ANGPTL2: variants seen among roughly 807,000 people sequenced by gnomAD.
ANGPTL2 encodes angiopoietin like 2.
ANGPTL2 carries 25 observed loss-of-function variants against 52.8 expected under a neutral mutation model. The observed-to-expected ratio is 0.47, with a 90% CI of 0.35 to 0.66. ANGPTL2 has a LOEUF of 0.66. Ranked by LOEUF, ANGPTL2 falls within the 30% of genes least tolerant of loss-of-function variation. ANGPTL2 has a pLI of 0.01. For missense variants in ANGPTL2, 546 were observed against 656.9 expected (o/e 0.83, Z 1.84); for synonymous variants, 276 against 277.4 (o/e 1.00, Z 0.05).
At chr9:127,107,704 T>C (rs1285789578) in intron 2 of ANGPTL2, among the ~76,000 whole-genome samples, 3 of 152,084 alleles carry the variant, frequency 2.0e-5, no homozygotes, top group African/African-American at 4.8e-5. Flanking sequence ...TTTGGTAATA[T>C]CTTTGAGGAT....
rs1334784149 is a variant in ANGPTL2 at position 127,108,072 on chromosome 9, G to C, written c.660C>G (p.Ala220=). 1 of 1,611,518 alleles carries C rather than the reference G, an allele frequency of 6.2e-7. No individual in the cohort carries two copies. The highest frequency in any genetic ancestry group is 1.3e-5 in the African/African-American group (1 of 74,862). Residue 220 remains alanine (A), a synonymous_variant, in exon 2 of 5, where the codon GCC becomes GCG. Coordinates refer to ENST00000373425, the MANE Select transcript of ANGPTL2 (RefSeq NM_012098.3). The part of the protein sequence containing the change: ...ARPVPQPPPA[A]PPRVYQPPTY... ...TGGGTGGTTGGTAGACCCGGGGCGG[G>C]GCAGCGGGGGGTGGCTGGGGGACGG...
intron 2 of ANGPTL2, among the ~76,000 whole-genome samples, chr9:127,103,167 G>C (rs973001876): frequency 1.4e-4 from 21 of 152,240 alleles, no homozygotes; most frequent in African/African-American, 4.8e-4. Flanking sequence ...ATATTTCTCT[G>C]TTTTAAAACA....
chr9:127,100,260 C>A (rs1056382824), intron 2 of ANGPTL2, among the ~76,000 whole-genome samples: 1 of 152,098 alleles, frequency 6.6e-6, no homozygotes, highest in African/African-American at 2.4e-5. Flanking sequence ...AGTAAAAATT[C>A]TATTAAATGT....
At chr9:127,095,060 T>C (rs1485158741) in intron 2 of ANGPTL2, among the ~76,000 whole-genome samples, 1 of 152,146 alleles carries the variant, frequency 6.6e-6, no homozygotes, top group African/African-American at 2.4e-5. Context: ...CAGATGAAAA[T>C]GGCTGAAAGA....
Position 127,091,793 on chromosome 9 carries a change from C to T in ANGPTL2, c.1159G>A (p.Glu387Lys). ...VFAEYASFRL[E>K]PESEYYKLRL... ...AGCTTATAATACTCGCTCTCAGGTT[C>T]CAGGCGGAAACTGGCGTATTCTGCA... Residue 387 changes from glutamate to lysine, a missense_variant, in exon 4 of 5, where the codon GAA becomes AAA. Physicochemically the swap from Glu to Lys is moderately conservative, Grantham distance 56. Coordinates refer to ENST00000373425, the MANE Select transcript of ANGPTL2 (RefSeq NM_012098.3). The surrounding 1 kb of genome is among the most constrained non-coding windows in gnomAD (Gnocchi z 4.3). 2 of 1,614,170 alleles carry T rather than the reference C, an allele frequency of 1.2e-6. 1 individual carries two copies. Among genetic ancestry groups the T allele is most frequent in the South Asian group, 2.2e-5 (2 of 91,076 alleles).
chr9:127,116,154 T>C lies in ANGPTL2; in HGVS notation c.-50+6161A>G, dbSNP rs1589572269. On this transcript the variant is annotated intron_variant, in intron 1 of 4. Transcript: ENST00000373425. ...TACCTGTCATGGGTGATGGGAGCCA[T>C]GAGTCAGAGAAGCAGGGTAAGACAG... Among the ~76,000 whole-genome samples the C allele has an allele frequency of 1.3e-5, 2 of 152,168 alleles. 1 individual carries two copies.
intron 1 of ANGPTL2, 60 bp from the exon 2 acceptor site, chr9:127,108,840 A>G (rs1015731231): frequency 4.7e-5 from 57 of 1,215,292 alleles, no homozygotes; most frequent in Admixed American, 1.6e-4. Flanking sequence ...GCCCTGTGCC[A>G]TCAGTGATCC....
Position 127,111,337 on chromosome 9 carries a change from A to C in ANGPTL2, c.-49-2557T>G, listed in dbSNP as rs58411596. ...CAGTGTCCTTATCACCATAAGATAC[A>C]CGCTGTCTCCTCCCCGTTCCCTTGA... On this transcript the variant is annotated intron_variant, in intron 1 of 4. Transcript: ENST00000373425. Among the ~76,000 whole-genome samples, 820 of 152,340 alleles carry C rather than the reference A, an allele frequency of 5.4e-3. 25 individuals carry two copies. In the East Asian group the frequency reaches 0.085, roughly 16 times the overall value.
intron 1 of ANGPTL2, 50 bp from the exon 2 acceptor site, chr9:127,108,830 G>T: frequency 1.6e-6 from 2 of 1,284,764 alleles, no homozygotes; most frequent in South Asian, 3.0e-5. Context: ...CACTGTCAGT[G>T]CCCTGTGCCA....
intron 1 of ANGPTL2, 87 bp from the exon 2 acceptor site, chr9:127,108,867 C>T: frequency 1.0e-6 from 1 of 989,106 alleles, no homozygotes; most frequent in East Asian, 2.7e-5. Flanking sequence ...TCTCGCCAGG[C>T]AGGCAGAGCT....
intron 1 of ANGPTL2, among the ~76,000 whole-genome samples, chr9:127,119,137 T>G (rs2055776562): frequency 6.6e-6 from 1 of 152,182 alleles, no homozygotes; most frequent in South Asian, 2.1e-4. Context: ...GTGGAACAAG[T>G]CAGCCAACCT....
chr9:127,111,034 G>A (rs2054760485), intron 1 of ANGPTL2, among the ~76,000 whole-genome samples: 1 of 152,054 alleles, frequency 6.6e-6, no homozygotes, highest in Non-Finnish European at 1.5e-5. Context: ...AAGCTAGTGG[G>A]TCTCCAAGGC....
At chr9:127,099,459 C>T (rs2053502894) in intron 2 of ANGPTL2, among the ~76,000 whole-genome samples, 1 of 152,192 alleles carries the variant, frequency 6.6e-6, no homozygotes, top group Non-Finnish European at 1.5e-5. Context: ...TCTGCAATTT[C>T]CTACCCAAAT....
intron 1 of ANGPTL2, among the ~76,000 whole-genome samples, chr9:127,110,733 C>G (rs1390689005): frequency 2.0e-5 from 3 of 152,074 alleles, no homozygotes; most frequent in Non-Finnish European, 4.4e-5. Context: ...TGAAGTCATC[C>G]TAGACGCCTT....
rs78757730 is a variant in ANGPTL2 at position 127,091,445 on chromosome 9, A to G, written c.1282+225T>C. ...ACCTCTTTATGTCTCGCCCCATCCC[A>G]TTTTTTTTTTCTTAATTTGTAAATG... On this transcript the variant is annotated intron_variant, in intron 4 of 4. Transcript: ENST00000373425. The surrounding 1 kb of genome is among the most constrained non-coding windows in gnomAD (Gnocchi z 4.3). Among the ~76,000 whole-genome samples, 2 of 148,050 alleles carry G rather than the reference A, an allele frequency of 1.4e-5. No homozygotes were observed. Among genetic ancestry groups the G allele is most frequent in the African/African-American group, 5.0e-5 (2 of 40,354 alleles).
At chr9:127,109,095 T>TG (rs2054550355) in intron 1 of ANGPTL2, among the ~76,000 whole-genome samples, 1 of 152,168 alleles carries the variant, frequency 6.6e-6, no homozygotes, top group Admixed American at 6.5e-5. Flanking sequence ...GCCTAGAGCC[T>TG]GAGAATCGTA....
chr9:127,097,951 A>G (rs1194891906), intron 2 of ANGPTL2, among the ~76,000 whole-genome samples: 1 of 152,232 alleles, frequency 6.6e-6, no homozygotes, highest in Non-Finnish European at 1.5e-5. Flanking sequence ...TGAGGATGTC[A>G]TGAACCCAAG....
chr9:127,099,153 G>A (rs994403259), intron 2 of ANGPTL2, among the ~76,000 whole-genome samples: 1 of 152,172 alleles, frequency 6.6e-6, no homozygotes, highest in African/African-American at 2.4e-5. Context: ...TTTATCCCCT[G>A]AGTCCAGCCC....
intron 1 of ANGPTL2, among the ~76,000 whole-genome samples, chr9:127,109,142 G>T (rs558484360): frequency 6.6e-6 from 1 of 152,236 alleles, no homozygotes; most frequent in South Asian, 2.1e-4. Context: ...GAGGCAGAGG[G>T]AGGGTTTTCT....
Sources: allele counts gnomAD v4.1 joint callset (sites outside exome capture counted in the v4.1 genomes callset), GRCh38; gene constraint gnomAD v4.1.1; non-coding constraint Gnocchi (gnomAD v3.1); transcripts MANE v1.5; gene names NCBI Gene and HGNC (gene_info 2026-07-23, HGNC 2026-07-21).